Variants in CCDC32 observed in about 807,000 individuals in gnomAD.
The protein encoded by CCDC32 is coiled-coil domain containing 32, also known as coiled-coil domain-containing protein 32.
CCDC32 carries 9 observed loss-of-function variants against 20.1 expected under a neutral mutation model. The observed-to-expected ratio is 0.45, with a 90% CI of 0.27 to 0.78. The LOEUF is 0.78. CCDC32 is among the 30% of genes least tolerant of loss of function. The probability of loss-of-function intolerance (pLI) is 0.16; values close to 1 mark genes in which losing one functional copy is unlikely to be tolerated. For missense variants in CCDC32, 204 were observed against 215.5 expected, an observed-to-expected ratio of 0.95 and a Z score of 0.33; for synonymous variants, 63 against 79.0, an observed-to-expected ratio of 0.80 and a Z score of 1.07.
intron 3 of CCDC32, among the ~76,000 whole-genome samples, chr15:40,545,594 T>C (rs920599852): frequency 2.0e-5 from 3 of 152,168 alleles, no homozygotes; most frequent in Middle Eastern, 3.2e-3. Flanking sequence ...TAGGAAAGGC[T>C]GGGGCTGGAG....
chr15:40,560,380 T>A (rs1284951942), intron 2 of CCDC32, among the ~76,000 whole-genome samples: 1 of 152,118 alleles, frequency 6.6e-6, no homozygotes, highest in Non-Finnish European at 1.5e-5. Context: ...TCGGATCTAA[T>A]TAAACTAAAA....
chr15:40,548,736 T>TGAGA (rs746375467), downstream of CCDC32, among the ~76,000 whole-genome samples: 17 of 150,382 alleles, frequency 1.1e-4, no homozygotes, highest in South Asian at 1.5e-3. Context: ...AGGAGCATGC[T>TGAGA]GAGAGAGAGA....
chr15:40,539,907 T>C (rs1236614724), intron 3 of CCDC32, among the ~76,000 whole-genome samples: 1 of 146,266 alleles, frequency 6.8e-6, no homozygotes, highest in Non-Finnish European at 1.5e-5. Flanking sequence ...TGATTCCATG[T>C]CACCCCAAAC....
At chr15:40,526,312 G>C (rs1894900080), downstream of CCDC32, among the ~76,000 whole-genome samples, 1 of 152,110 alleles carries the variant, frequency 6.6e-6, no homozygotes, top group African/African-American at 2.4e-5. Context: ...TTATTGATTA[G>C]CTACTGTATG....
downstream of CCDC32, chr15:40,538,291 T>C (rs934046312): frequency 6.6e-6 from 1 of 152,188 alleles, no homozygotes; most frequent in Admixed American, 6.5e-5. Flanking sequence ...TTGTTTTCCA[T>C]AGCAGTGTGT....
downstream of CCDC32, chr15:40,539,151 TC>T: frequency 8.8e-7 from 1 of 1,142,840 alleles, no homozygotes; most frequent in Non-Finnish European, 1.3e-6. Context: ...TTGCTGTTTC[TC>T]CCCAGCTCCC....
rs1308715769 is a variant in CCDC32, at chr15:40,553,148, A to G, written c.*823T>C. 2 of 985,356 alleles carry G rather than the reference A, an allele frequency of 2.0e-6. No homozygotes were observed. The highest frequency in any genetic ancestry group is 3.5e-5 in the African/African-American group (2 of 57,234). 61.0% of individuals were successfully genotyped at this position (985,356 alleles called of 1,614,324 possible). A position where few individuals can be genotyped will look rare whatever the true frequency, so the allele number is the denominator to read the frequency against. On this transcript the variant is annotated 3_prime_UTR_variant, in exon 4 of 4. Transcript: ENST00000416810. Reference sequence around the variant, plus strand: ...GAAACACATACTGATCATGAACACAATAAACAGGGAGGGAAGCTCGGGCTC... The same window carrying G: ...GAAACACATACTGATCATGAACACAGTAAACAGGGAGGGAAGCTCGGGCTC...
downstream of CCDC32, among the ~76,000 whole-genome samples, chr15:40,550,716 G>A (rs1889817208): frequency 6.6e-6 from 1 of 152,180 alleles, no homozygotes. Flanking sequence ...AACTCACTGG[G>A]TTCCCTTCCG....
chr15:40,546,736 C>T (rs1196891921), intron 3 of CCDC32, among the ~76,000 whole-genome samples: 3 of 145,504 alleles, frequency 2.1e-5, no homozygotes, highest in Non-Finnish European at 4.5e-5. Flanking sequence ...CAGTCTTGCT[C>T]TGTTGCCCAG....
At chr15:40,551,053 C>T (rs1353242808), downstream of CCDC32, among the ~76,000 whole-genome samples, 3 of 151,966 alleles carry the variant, frequency 2.0e-5, no homozygotes, top group Admixed American at 6.6e-5. Flanking sequence ...GTTTATCATG[C>T]AGGGAGAATA....
chr15:40,539,388 G>C, intron 3 of CCDC32: 1 of 1,508,598 alleles, frequency 6.6e-7, no homozygotes, highest in Admixed American at 2.0e-5. Context: ...CAGAGACGAG[G>C]AAGATAGACA....
chr15:40,538,646 C>G (rs1889237675), downstream of CCDC32: 1 of 152,432 alleles, frequency 6.6e-6, no homozygotes, highest in Non-Finnish European at 1.5e-5. Flanking sequence ...CTGTCCCTTT[C>G]CTCCAACCTG....
downstream of CCDC32, among the ~76,000 whole-genome samples, chr15:40,531,148 G>A (rs1036441709): frequency 6.6e-6 from 1 of 151,486 alleles, no homozygotes; most frequent in African/African-American, 2.4e-5. Context: ...GTGTGGAATA[G>A]TAGACACTGG....
At chr15:40,558,996 A>G (rs1484086064) in intron 2 of CCDC32, among the ~76,000 whole-genome samples, 2 of 151,704 alleles carry the variant, frequency 1.3e-5, no homozygotes, top group Non-Finnish European at 2.9e-5. Flanking sequence ...TAGAAACAGG[A>G]TTTTGTCATG....
intron 1 of CCDC32, 86 bp downstream of exon 1, chr15:40,564,890 G>C: frequency 1.4e-6 from 2 of 1,386,990 alleles, no homozygotes; most frequent in Non-Finnish European, 2.0e-6. Context: ...GGATGAATCA[G>C]GTCCCAAGGC....
intron 3 of CCDC32, 83 bp downstream of exon 3, chr15:40,557,132 TA>T: frequency 6.6e-7 from 1 of 1,508,326 alleles, no homozygotes; most frequent in Non-Finnish European, 8.8e-7. Context: ...AGTCTGTTCT[TA>T]AAAATCTACT....
At chr15:40,522,622 A>T in the CCDC32 span, among the ~76,000 whole-genome samples, 1 of 152,150 alleles carries the variant, frequency 6.6e-6, no homozygotes, top group Non-Finnish European at 1.5e-5. Context: ...TTAGGTGTAC[A>T]TCTGCTTTTT....
At position 40,554,106 on chromosome 15, in the gene CCDC32, C is replaced by T; in HGVS notation, c.423G>A (p.Arg141=). ...SDESTLEHFK[R]WLQPDKVAVS... is the part of the protein sequence containing the mutation. ...CGGCTACTTTATCTGGCTGGAGCCA[C>T]CTCTTGAAATGTTCCAAGGTGCTAT... is the stretch of plus-strand genomic sequence containing the variant. The change falls in exon 4 of 4, where the codon AGG becomes AGA. Residue 141 remains arginine (R), a synonymous_variant. Transcript: ENST00000416810. The T allele has an allele frequency of 6.2e-7, 1 of 1,613,924 alleles. No individual in the cohort carries two copies. The highest frequency in any genetic ancestry group is 1.3e-5 in the African/African-American group (1 of 75,008).
chr15:40,535,770 C>T (rs976716982), downstream of CCDC32: 12 of 499,954 alleles, frequency 2.4e-5, no homozygotes, highest in South Asian at 8.6e-5. Context: ...GAGTTTCACA[C>T]GTTCCACCAT....
Sources: allele counts gnomAD v4.1 joint callset (sites outside exome capture counted in the v4.1 genomes callset), GRCh38; gene constraint gnomAD v4.1.1; transcripts MANE v1.5; gene names NCBI Gene and HGNC (gene_info 2026-07-23, HGNC 2026-07-21).